The following ZNF791 variants were observed in gnomAD, a reference collection of about 807,000 sequenced individuals.
ZNF791 encodes zinc finger protein 791.
Under a neutral mutation model 11.5 loss-of-function variants are expected in ZNF791, and 4 were observed. That is an observed-to-expected ratio of 0.35 (90% CI 0.17 to 0.80). ZNF791 has a LOEUF of 0.80. Among genes scored for constraint, ZNF791 ranks in the 30% least tolerant of loss-of-function variants. ZNF791 has a pLI of 0.53. For synonymous variants in ZNF791, 212 were observed against 228.1 expected, an observed-to-expected ratio of 0.93 and a Z score of 0.64; for missense variants, 559 against 699.4, an observed-to-expected ratio of 0.80 and a Z score of 2.26.
intron 1 of ZNF791, among the ~76,000 whole-genome samples, chr19:12,619,914 T>C: frequency 6.6e-6 from 1 of 151,258 alleles, no homozygotes; most frequent in South Asian, 2.1e-4. Context: ...TTTATTTATT[T>C]ATTTTTATTT....
chr19:12,612,806 ATTTT>A (rs140336473), intron 1 of ZNF791, among the ~76,000 whole-genome samples: 4 of 104,222 alleles, frequency 3.8e-5, no homozygotes, highest in African/African-American at 1.1e-4. Context: ...ATTCTGCTGG[ATTTT>A]TTTTTTTTTT....
chr19:12,613,871 G>A (rs1242526739), intron 1 of ZNF791, among the ~76,000 whole-genome samples: 1 of 152,152 alleles, frequency 6.6e-6, no homozygotes, highest in Non-Finnish European at 1.5e-5. Context: ...GGGAAGAGGG[G>A]AGGATGTCTG....
intron 1 of ZNF791, 32 bp from the exon 2 acceptor site, chr19:12,623,668 C>T (rs1313268636): frequency 1.9e-6 from 3 of 1,613,074 alleles, no homozygotes; most frequent in Admixed American, 3.3e-5. Flanking sequence ...TTGTCAATCT[C>T]ACCTATTCTC....
Position 12,628,880 on chromosome 19 carries a change from T to C in ZNF791, c.1351T>C (p.Phe451Leu). The C allele has an allele frequency of 6.2e-7, 1 of 1,611,620 alleles. No homozygotes were observed. Among genetic ancestry groups the C allele is most frequent in the Non-Finnish European group, 8.5e-7 (1 of 1,179,258 alleles). Residue 451 changes from phenylalanine to leucine, a missense_variant, in exon 4 of 4, where the codon TTT becomes CTT. Physicochemically the swap from Phe to Leu is conservative, Grantham distance 22. Coordinates refer to ENST00000343325, the MANE Select transcript of ZNF791 (RefSeq NM_153358.3). ...KCRDCGKVFI[F>L]PSALRTHERT... ...TAGGGACTGTGGGAAGGTGTTCATT[T>C]TTCCTAGTGCGTTACGAACACATGA...
At chr19:12,611,206 G>A in intron 1 of ZNF791, 124 bp downstream of exon 1, 2 of 1,315,232 alleles carry the variant, frequency 1.5e-6, no homozygotes, top group East Asian at 2.5e-5. Context: ...GTCCTGTCCC[G>A]TCCCTGCGCG....
Position 12,623,858 on chromosome 19 carries a change from T to A in ZNF791, c.130+32T>A, listed in dbSNP as rs1479421736. ...ATGACATCATTTTTTCTTTTTTCTT[T>A]TTTTTTTTTTTTGGGGGGGGACAGA... On this transcript the variant is annotated intron_variant, in intron 2 of 3. Coordinates refer to ENST00000343325, the MANE Select transcript of ZNF791 (RefSeq NM_153358.3). 2.9e-6 allele frequency: 3 copies of A among 1,020,076 alleles called. 1 individual carries two copies. The highest frequency in any genetic ancestry group is 3.4e-5 in the South Asian group (2 of 58,312). 63.2% of individuals were successfully genotyped at this position (1,020,076 alleles called of 1,614,324 possible). A position where few individuals can be genotyped will look rare whatever the true frequency, so the allele number is the denominator to read the frequency against.
At chr19:12,614,936 G>A (rs1207700797) in intron 1 of ZNF791, among the ~76,000 whole-genome samples, 3 of 48,342 alleles carry the variant, frequency 6.2e-5, no homozygotes, top group Non-Finnish European at 1.3e-4. Context: ...TTGATACAGC[G>A]TCTCACTCTG....
intron 3 of ZNF791, among the ~76,000 whole-genome samples, chr19:12,627,513 C>T (rs1049773149): frequency 7.2e-5 from 11 of 152,128 alleles, no homozygotes; most frequent in Admixed American, 6.6e-5. Flanking sequence ...GTAATCCCAG[C>T]TACTTGGGAG....
chr19:12,623,873 G>GGA lies in ZNF791; in HGVS notation c.130+48_130+49insAG, dbSNP rs1555703488. ...CTTTTTTCTTTTTTTTTTTTTTTGG[G>GGA]GGGGGACAGAGTTTCACTATTGTCC... On this transcript the variant is annotated intron_variant, in intron 2 of 3. Coordinates refer to ENST00000343325, the MANE Select transcript of ZNF791 (RefSeq NM_153358.3). The GGA allele has an allele frequency of 3.2e-4, 317 of 992,074 alleles. 11 individuals carry two copies. The highest frequency in any genetic ancestry group is 1.1e-3 in the Middle Eastern group (3 of 2,748). The allele number at this position is 992,074 out of a possible 1,614,324, so 61.5% of individuals were successfully genotyped here.
At chr19:12,612,107 C>G (rs754074133) in intron 1 of ZNF791, 145 of 753,364 alleles carry the variant, frequency 1.9e-4, no homozygotes, top group Non-Finnish European at 2.3e-4. Context: ...GATGGTATTC[C>G]AGGACTTAAA....
chr19:12,625,208 C>A lies in ZNF791; in HGVS notation c.191+498C>A, dbSNP rs535031308. On this transcript the variant is annotated intron_variant, in intron 3 of 3. Coordinates refer to ENST00000343325, the MANE Select transcript of ZNF791 (RefSeq NM_153358.3). ...TGGTCTTTGCTCACTGCAACCTCCA[C>A]CTCCCGGGATCAAGTGATTTTCCTG... 2.0e-5 allele frequency among the ~76,000 whole-genome samples: 3 copies of A among 151,676 alleles called. No homozygotes were observed. In the East Asian group the frequency reaches 6.1e-4, roughly 31 times the overall value.
Position 12,614,892 on chromosome 19 carries a change from C to CTTTTTTTTTTTTTTTTTTTTTTT in ZNF791, c.3+3823_3+3845dup, listed in dbSNP as rs57575424. Among the ~76,000 whole-genome samples, 8 of 17,566 alleles carry CTTTTTTTTTTTTTTTTTTTTTTT rather than the reference C, an allele frequency of 4.6e-4. 4 individuals carry two copies. The highest frequency in any genetic ancestry group is 1.0e-3 in the Non-Finnish European group (8 of 7,720). The allele number at this position is 17,566 out of a possible 152,430, so 11.5% of individuals were successfully genotyped here. ...ACAGGTGTGAGCCACTGCGTCCGGC[C>CTTTTTTTTTTTTTTTTTTTTTTT]TTTTTTTTTTTTTTTTTTTTTTTTT... On this transcript the variant is annotated intron_variant, in intron 1 of 3. Coordinates refer to ENST00000343325, the MANE Select transcript of ZNF791 (RefSeq NM_153358.3).
chr19:12,628,074 A>T lies in ZNF791; in HGVS notation c.545A>T (p.His182Leu), dbSNP rs1243420794. 1 of 1,613,950 alleles carries T rather than the reference A, an allele frequency of 6.2e-7. No individual in the cohort carries two copies. The highest frequency in any genetic ancestry group is 1.1e-5 in the South Asian group (1 of 91,034). Residue 182 changes from histidine (H) to leucine (L), a missense_variant, in exon 4 of 4, where the codon CAC (histidine) becomes CTC (leucine). Coordinates refer to ENST00000343325, the MANE Select transcript of ZNF791 (RefSeq NM_153358.3). ...CCCTTTCAAAGACATGAGCGGACTCACATTGGAGAAAAACCCTATGAATGT... is the reference window on the plus strand; with the variant it reads ...CCCTTTCAAAGACATGAGCGGACTCTCATTGGAGAAAAACCCTATGAATGT... The part of the protein sequence containing the change: ...HQPFQRHERT[H>L]IGEKPYECKQ...
chr19:12,625,428 A>AT (rs1385077071), intron 3 of ZNF791, among the ~76,000 whole-genome samples: 1 of 151,920 alleles, frequency 6.6e-6, no homozygotes, highest in African/African-American at 2.4e-5. Context: ...AAATTTATTT[A>AT]TTATCAGAAA....
intron 1 of ZNF791, among the ~76,000 whole-genome samples, chr19:12,619,815 T>C (rs958337484): frequency 2.6e-5 from 4 of 151,728 alleles, no homozygotes; most frequent in Non-Finnish European, 5.9e-5. Flanking sequence ...TATTTGACAT[T>C]TATATCCTCA....
At position 12,624,206 on chromosome 19, in the gene ZNF791, G is replaced by T. The variant is rs182990731; in HGVS notation, c.130+380G>T. Among the ~76,000 whole-genome samples the T allele has an allele frequency of 2.7e-3, 382 of 139,414 alleles. 1 individual carries two copies. The highest frequency in any genetic ancestry group is 9.9e-3 in the African/African-American group (363 of 36,804). The allele number at this position is 139,414 out of a possible 152,430, so 91.5% of individuals were successfully genotyped here. ...CTCGTCCTGTTCCCCAGGGTGGAGT[G>T]CAGTGGCGGGATCTTGGCTCACTGT... On this transcript the variant is annotated intron_variant, in intron 2 of 3. Coordinates refer to ENST00000343325, the MANE Select transcript of ZNF791 (RefSeq NM_153358.3).
chr19:12,611,593 AAC>A (rs1290058138), intron 1 of ZNF791, among the ~76,000 whole-genome samples: 1 of 152,182 alleles, frequency 6.6e-6, no homozygotes, highest in African/African-American at 2.4e-5. Context: ...GTGCATTTCA[AAC>A]ACACGCAGTA....
chr19:12,620,099 A>G (rs2023315982), intron 1 of ZNF791, among the ~76,000 whole-genome samples: 1 of 149,224 alleles, frequency 6.7e-6, no homozygotes, highest in Non-Finnish European at 1.5e-5. Flanking sequence ...AATTTTTTGT[A>G]TTTTTAGTAG....
At chr19:12,626,852 G>T (rs558230483) in intron 3 of ZNF791, among the ~76,000 whole-genome samples, 1 of 150,966 alleles carries the variant, frequency 6.6e-6, no homozygotes, top group Non-Finnish European at 1.5e-5. Context: ...TGATCTGCCC[G>T]TCTCGGCCTC....
Sources: gnomAD v4.1 joint callset for allele counts (sites outside exome capture counted in the v4.1 genomes callset) on GRCh38, gnomAD v4.1.1 for gene constraint, MANE v1.5 for transcripts, NCBI Gene and HGNC (gene_info 2026-07-23, HGNC 2026-07-21) for gene names.